Variants in CNTNAP3B observed in about 807,000 individuals in gnomAD.
CNTNAP3B encodes the protein contactin-associated protein-like 3B.
A neutral mutation model predicts 108.9 loss-of-function variants in CNTNAP3B; 25 were observed. That is an observed-to-expected ratio of 0.23 (90% CI 0.17 to 0.32). The LOEUF (loss-of-function observed/expected upper bound fraction) is 0.32, where lower values mean the gene tolerates loss of function less well. Among genes scored for constraint, CNTNAP3B ranks in the 10% least tolerant of loss-of-function variants. The probability of loss-of-function intolerance (pLI) is 1.00; values close to 1 mark genes in which losing one functional copy is unlikely to be tolerated. For synonymous variants in CNTNAP3B, 103 were observed against 473.4 expected (o/e 0.22, Z 10.16); for missense variants, 252 against 1,210.4 (o/e 0.21, Z 11.75).
intron 14 of CNTNAP3B, among the ~76,000 whole-genome samples, chr9:41,937,114 T>TTTTTTATTATTATTATTATTA: frequency 7.1e-6 from 1 of 141,440 alleles, no homozygotes; most frequent in Non-Finnish European, 1.5e-5. Context: ...TATTTATTAA[T>TTTTTTATTATTATTATTATTA]TTATTATTAT....
At chr9:41,921,117 C>A (rs1210721084) in intron 17 of CNTNAP3B, among the ~76,000 whole-genome samples, 2 of 152,398 alleles carry the variant, frequency 1.3e-5, no homozygotes, top group Admixed American at 1.3e-4. Context: ...AGGTGGGGGC[C>A]CCAAATCTGA....
chr9:42,115,484 C>T (rs1275674374), intron 1 of CNTNAP3B, among the ~76,000 whole-genome samples: 1 of 139,606 alleles, frequency 7.2e-6, no homozygotes, highest in Non-Finnish European at 1.5e-5. Flanking sequence ...ACTGACACCG[C>T]ATACAGCCAG....
intron 11 of CNTNAP3B, among the ~76,000 whole-genome samples, chr9:41,962,414 T>C (rs1248207696): frequency 1.3e-5 from 2 of 152,194 alleles, no homozygotes; most frequent in African/African-American, 2.4e-5. Context: ...TTGATTGCAG[T>C]GAATAACCAT....
At position 42,101,970 on chromosome 9, in the gene CNTNAP3B, T is replaced by C. The variant is rs1346808739; in HGVS notation, c.196+2659A>G. On this transcript the variant is annotated intron_variant, in intron 2 of 23. Transcript: ENST00000377561. ...TACTCGGGAGGCTGAGGAAGGTGAA[T>C]CACTTGAGCTCAGGAGGCGGAGCTT... 2.4e-5 allele frequency among the ~76,000 whole-genome samples: 2 copies of C among 83,808 alleles called. 1 individual carries two copies. Among genetic ancestry groups the C allele is most frequent in the Non-Finnish European group, 4.9e-5 (2 of 41,192 alleles). 55.0% of individuals were successfully genotyped at this position (83,808 alleles called of 152,430 possible). A position where few individuals can be genotyped will look rare whatever the true frequency, so the allele number is the denominator to read the frequency against.
intron 1 of CNTNAP3B, among the ~76,000 whole-genome samples, chr9:42,119,688 G>T (rs1828413761): frequency 7.2e-6 from 1 of 139,124 alleles, no homozygotes; most frequent in African/African-American, 2.9e-5. Context: ...ACAACTATCT[G>T]ATCTTTGAGA....
At chr9:42,095,730 C>T (rs1450629769) in intron 2 of CNTNAP3B, among the ~76,000 whole-genome samples, 1 of 138,442 alleles carries the variant, frequency 7.2e-6, no homozygotes, top group African/African-American at 2.9e-5. Context: ...AAGGGATAAG[C>T]CTGTCAGTTC....
chr9:41,927,818 T>C (rs1317530620), intron 15 of CNTNAP3B, among the ~76,000 whole-genome samples: 2 of 151,750 alleles, frequency 1.3e-5, no homozygotes, highest in Non-Finnish European at 2.9e-5. Context: ...ATTACTGACA[T>C]TGGGAAAAGC....
At chr9:41,958,744 A>C (rs1228965156) in intron 12 of CNTNAP3B, among the ~76,000 whole-genome samples, 1 of 152,148 alleles carries the variant, frequency 6.6e-6, no homozygotes, top group African/African-American at 2.4e-5. Flanking sequence ...ACAAAACACC[A>C]GTAGCTTAGG....
chr9:41,936,039 T>C (rs999714176), intron 14 of CNTNAP3B, among the ~76,000 whole-genome samples: 8 of 152,258 alleles, frequency 5.3e-5, no homozygotes, highest in Non-Finnish European at 8.8e-5. Context: ...CAATAAAGTA[T>C]GCACTTAATA....
At chr9:42,014,789 A>T (rs1190843628) in intron 3 of CNTNAP3B, among the ~76,000 whole-genome samples, 1 of 63,050 alleles carries the variant, frequency 1.6e-5, no homozygotes, top group Non-Finnish European at 2.9e-5. Context: ...AGACTCCGTC[A>T]CAAAAAAAAA....
intron 3 of CNTNAP3B, among the ~76,000 whole-genome samples, chr9:42,075,152 A>G (rs1827460362): frequency 1.4e-5 from 2 of 143,992 alleles, no homozygotes; most frequent in Admixed American, 1.4e-4. Context: ...CTGTGTGTAC[A>G]TCTGTCTCTG....
rs575578108 is a variant in CNTNAP3B at position 41,965,736 on chromosome 9, G to C, written c.1650-1092C>G. ...CCAGAGAAGTAACAGAAGAGGGGCT[G>C]GGAGGTTGTGACAGGCCTCCTGGCT... On this transcript the variant is annotated intron_variant, in intron 10 of 23. Coordinates refer to ENST00000377561, the MANE Select transcript of CNTNAP3B (RefSeq NM_001201380.3). Among the ~76,000 whole-genome samples, 12 of 152,272 alleles carry C rather than the reference G, an allele frequency of 7.9e-5. No individual in the cohort carries two copies. In the East Asian group the frequency reaches 2.1e-3, roughly 27 times the overall value.
At chr9:41,964,113 T>C (rs1825191288) in intron 11 of CNTNAP3B, among the ~76,000 whole-genome samples, 1 of 152,422 alleles carries the variant, frequency 6.6e-6, no homozygotes, top group East Asian at 1.9e-4. Flanking sequence ...TTAAAAAATC[T>C]TTAAATACCT....
intron 1 of CNTNAP3B, among the ~76,000 whole-genome samples, chr9:42,107,484 T>C (rs1243558636): frequency 2.4e-5 from 3 of 123,582 alleles, no homozygotes; most frequent in African/African-American, 3.4e-5. Context: ...TTTCCAATTG[T>C]GTGTTTCACG....
At chr9:41,935,037 G>A (rs1194669469) in intron 14 of CNTNAP3B, among the ~76,000 whole-genome samples, 3 of 152,170 alleles carry the variant, frequency 2.0e-5, no homozygotes, top group African/African-American at 7.2e-5. Context: ...TATGTTATAT[G>A]TATATTTTAG....
At chr9:41,962,877 C>T (rs1349808749) in intron 11 of CNTNAP3B, among the ~76,000 whole-genome samples, 1 of 151,986 alleles carries the variant, frequency 6.6e-6, no homozygotes, top group Non-Finnish European at 1.5e-5. Flanking sequence ...ATGGCGTGAA[C>T]CCAGGAGGCG....
At chr9:41,935,880 G>A (rs1824141547) in intron 14 of CNTNAP3B, among the ~76,000 whole-genome samples, 1 of 152,298 alleles carries the variant, frequency 6.6e-6, no homozygotes. Flanking sequence ...CGGTGCTGAA[G>A]TGACATGGCT....
chr9:41,942,856 C>G (rs1240488318), intron 13 of CNTNAP3B, among the ~76,000 whole-genome samples: 1 of 152,094 alleles, frequency 6.6e-6, no homozygotes, highest in Non-Finnish European at 1.5e-5. Context: ...ATGCAAAGAG[C>G]AAATTCAGCC....
At chr9:41,949,599 CTATTTA>C (rs1824618364) in intron 13 of CNTNAP3B, among the ~76,000 whole-genome samples, 1 of 150,086 alleles carries the variant, frequency 6.7e-6, no homozygotes, top group African/African-American at 2.5e-5. Flanking sequence ...ATTTTTAACA[CTATTTA>C]AAATGCAATT....
Sources: allele counts gnomAD v4.1 joint callset (sites outside exome capture counted in the v4.1 genomes callset), GRCh38; gene constraint gnomAD v4.1.1; transcripts MANE v1.5; gene names NCBI Gene and HGNC (gene_info 2026-07-23, HGNC 2026-07-21).